MCTP1: variants seen among roughly 807,000 people sequenced by gnomAD.
MCTP1 encodes the protein multiple C2 and transmembrane domain-containing protein 1.
Under a neutral mutation model 120.6 loss-of-function variants are expected in MCTP1, and 69 were observed. That is an observed-to-expected ratio of 0.57 (90% CI 0.47 to 0.70). MCTP1 has a LOEUF of 0.70. MCTP1 is among the 30% of genes least tolerant of loss of function. The pLI is 0.00. For missense variants in MCTP1, 1,203 were observed against 1,248.8 expected, an observed-to-expected ratio of 0.96 and a Z score of 0.55; for synonymous variants, 529 against 493.1, an observed-to-expected ratio of 1.07 and a Z score of -0.96.
chr5:95,049,668 C>A (rs1436601619), intron 1 of MCTP1, among the ~76,000 whole-genome samples: 3 of 152,148 alleles, frequency 2.0e-5, no homozygotes, highest in African/African-American at 4.8e-5. Context: ...TATAGTTTGA[C>A]AATTTGTTAA....
chr5:94,902,772 T>C (rs2153422537), intron 10 of MCTP1, among the ~76,000 whole-genome samples: 1 of 152,338 alleles, frequency 6.6e-6, no homozygotes, highest in African/African-American at 2.4e-5. Flanking sequence ...AATGCTGTTA[T>C]TGCCTTTCTG....
intron 20 of MCTP1, among the ~76,000 whole-genome samples, chr5:94,711,680 A>AC (rs1211530957): frequency 6.6e-6 from 1 of 152,042 alleles, no homozygotes; most frequent in Non-Finnish European, 1.5e-5. Flanking sequence ...TGACAACAAG[A>AC]CATGATAACA....
chr5:95,046,749 G>A (rs965677139), intron 1 of MCTP1, among the ~76,000 whole-genome samples: 5 of 151,898 alleles, frequency 3.3e-5, no homozygotes, highest in Admixed American at 2.0e-4. Context: ...ATACCATATC[G>A]ACACCCACCT....
chr5:95,104,760 CA>C (rs1295705821), intron 1 of MCTP1, among the ~76,000 whole-genome samples: 1 of 152,116 alleles, frequency 6.6e-6, no homozygotes, highest in Non-Finnish European at 1.5e-5. Context: ...TTTCTCATAA[CA>C]AAAGACAGTT....
At chr5:94,971,779 G>T (rs554437266) in intron 2 of MCTP1, among the ~76,000 whole-genome samples, 69 of 152,164 alleles carry the variant, frequency 4.5e-4, no homozygotes, top group South Asian at 1.7e-3. Flanking sequence ...CACCTGCCTT[G>T]GACTCTTATG....
chr5:94,853,090 T>A (rs1794066028), intron 17 of MCTP1, among the ~76,000 whole-genome samples: 2 of 151,998 alleles, frequency 1.3e-5, no homozygotes, highest in Admixed American at 1.3e-4. Context: ...GTGAATCCAA[T>A]ATTTGATTTT....
At chr5:94,880,203 T>G (rs1799754706) in intron 12 of MCTP1, among the ~76,000 whole-genome samples, 1 of 152,146 alleles carries the variant, frequency 6.6e-6, no homozygotes, top group African/African-American at 2.4e-5. Flanking sequence ...AGTGATTCGT[T>G]ACAAGCTTAG....
chr5:95,189,985 G>T (rs559258099), intron 1 of MCTP1, among the ~76,000 whole-genome samples: 1 of 152,028 alleles, frequency 6.6e-6, no homozygotes, highest in African/African-American at 2.4e-5. Flanking sequence ...CTTAATATCC[G>T]TACTTGGTGG....
intron 1 of MCTP1, among the ~76,000 whole-genome samples, chr5:95,193,157 T>A (rs1189582948): frequency 6.6e-6 from 1 of 152,142 alleles, no homozygotes; most frequent in Non-Finnish European, 1.5e-5. Flanking sequence ...TTAATAAACA[T>A]CTAAAGAGAT....
intron 18 of MCTP1, among the ~76,000 whole-genome samples, chr5:94,791,111 A>AC (rs1778814122): frequency 1.7e-5 from 1 of 57,480 alleles, no homozygotes; most frequent in South Asian, 7.6e-4. Flanking sequence ...CGTCTCTACT[A>AC]CAAAAAAAAA....
intron 3 of MCTP1, among the ~76,000 whole-genome samples, chr5:94,949,587 A>G (rs1368315605): frequency 6.6e-6 from 1 of 152,166 alleles, no homozygotes; most frequent in Non-Finnish European, 1.5e-5. Flanking sequence ...TACTAGAAAT[A>G]GTACAAGCAC....
chr5:95,078,104 G>A (rs1035363229), intron 1 of MCTP1, among the ~76,000 whole-genome samples: 9 of 147,892 alleles, frequency 6.1e-5, no homozygotes, highest in African/African-American at 2.2e-4. Flanking sequence ...AGGTTTGAAA[G>A]TTACCCAAGA....
chr5:95,172,590 A>AT (rs61349080), intron 1 of MCTP1, among the ~76,000 whole-genome samples: 76,852 of 150,412 alleles, frequency 0.51, 20,455 homozygotes, highest in Admixed American at 0.6. Flanking sequence ...ATATCAAACT[A>AT]TTTTTTTTTT....
At chr5:94,828,294 CAA>C (rs1234852719) in intron 17 of MCTP1, among the ~76,000 whole-genome samples, 7 of 152,204 alleles carry the variant, frequency 4.6e-5, no homozygotes, top group African/African-American at 1.7e-4. Flanking sequence ...TGCAGAACAG[CAA>C]AGATTGCTGC....
At chr5:94,868,250 A>G (rs1797189340) in intron 17 of MCTP1, 83 bp downstream of exon 17, 1 of 1,330,966 alleles carries the variant, frequency 7.5e-7, no homozygotes, top group Non-Finnish European at 9.9e-7. Flanking sequence ...CATCAACATA[A>G]CTGTTACTAT....
chr5:94,954,845 G>T (rs1822152886), intron 2 of MCTP1, among the ~76,000 whole-genome samples: 1 of 152,120 alleles, frequency 6.6e-6, no homozygotes, highest in Non-Finnish European at 1.5e-5. Context: ...AGGGGTGGAG[G>T]TCTCAGAGAA....
intron 1 of MCTP1, among the ~76,000 whole-genome samples, chr5:95,030,903 C>A (rs1840160211): frequency 6.6e-6 from 1 of 150,880 alleles, no homozygotes. Flanking sequence ...AGCAGATATC[C>A]AACACAAAGA....
chr5:94,885,546 T>C (rs1321109737), intron 12 of MCTP1, among the ~76,000 whole-genome samples: 1 of 152,104 alleles, frequency 6.6e-6, no homozygotes, highest in East Asian at 1.9e-4. Context: ...AGACATATGA[T>C]AATATGAACT....
At chr5:95,216,528 G>A (rs561261176) in intron 1 of MCTP1, among the ~76,000 whole-genome samples, 16 of 152,230 alleles carry the variant, frequency 1.1e-4, no homozygotes, top group African/African-American at 3.9e-4. Flanking sequence ...AAGCCTGAAA[G>A]GTACCTGCTG....
Sources: allele counts gnomAD v4.1 joint callset (sites outside exome capture counted in the v4.1 genomes callset), GRCh38; gene constraint gnomAD v4.1.1; transcripts MANE v1.5; gene names NCBI Gene and HGNC (gene_info 2026-07-23, HGNC 2026-07-21).